RAB2A: variants seen among roughly 807,000 people sequenced by gnomAD.
RAB2A encodes RAB2A, member RAS oncogene family.
In RAB2A, 7 loss-of-function variants were observed where a neutral mutation model predicts 32.5. That is an observed-to-expected ratio of 0.22 (90% CI 0.12 to 0.40). RAB2A has a LOEUF of 0.40. RAB2A is among the 10% of genes least tolerant of loss of function. The probability of loss-of-function intolerance (pLI) is 1.00; values close to 1 mark genes in which losing one functional copy is unlikely to be tolerated. For synonymous variants in RAB2A, 79 were observed against 85.2 expected (o/e 0.93, Z 0.40); for missense variants, 108 against 260.7 (o/e 0.41, Z 4.03).
chr8:60,548,529 T>C (rs1807782626), intron 1 of RAB2A, among the ~76,000 whole-genome samples: 2 of 91,306 alleles, frequency 2.2e-5, no homozygotes, highest in Admixed American at 9.7e-5. Flanking sequence ...CCCCCCCACC[T>C]CCCTCCCGGA....
chr8:60,623,069 T>A lies in RAB2A; in HGVS notation c.*2300T>A, dbSNP rs1804554489. On this transcript the variant is annotated 3_prime_UTR_variant, in exon 8 of 8. Coordinates refer to ENST00000262646, the MANE Select transcript of RAB2A (RefSeq NM_002865.3). ...ATAGAAAATCAGTCACTGAAAAAAATAAACACAGCTTTCAATGTCTCACTC... is the reference window on the plus strand; with the variant it reads ...ATAGAAAATCAGTCACTGAAAAAAAAAAACACAGCTTTCAATGTCTCACTC... 4 of 152,162 alleles carry A rather than the reference T, an allele frequency of 2.6e-5. No homozygotes were observed. The highest frequency in any genetic ancestry group is 9.7e-5 in the African/African-American group (4 of 41,440). The allele number at this position is 152,162 out of a possible 1,614,324, so 9.4% of individuals were successfully genotyped here.
chr8:60,539,486 C>T (rs949260872), intron 1 of RAB2A, among the ~76,000 whole-genome samples: 1 of 152,150 alleles, frequency 6.6e-6, no homozygotes. Flanking sequence ...TTTCAATCAG[C>T]ATCATACACA....
At chr8:60,529,631 T>C (rs1807446015) in intron 1 of RAB2A, among the ~76,000 whole-genome samples, 1 of 152,212 alleles carries the variant, frequency 6.6e-6, no homozygotes, top group Admixed American at 6.5e-5. Context: ...AAGTAAACAT[T>C]ACACTTGACT....
At chr8:60,590,997 A>C (rs940753924) in intron 5 of RAB2A, among the ~76,000 whole-genome samples, 1 of 152,052 alleles carries the variant, frequency 6.6e-6, no homozygotes, top group Non-Finnish European at 1.5e-5. Flanking sequence ...TTATTTCTTA[A>C]AGGGAAAGAA....
At chr8:60,612,433 AT>A (rs1385568637) in intron 6 of RAB2A, among the ~76,000 whole-genome samples, 1 of 152,242 alleles carries the variant, frequency 6.6e-6, no homozygotes, top group African/African-American at 2.4e-5. Flanking sequence ...AATAATACAA[AT>A]TTTATATACT....
At position 60,621,752 on chromosome 8, in the gene RAB2A, C is replaced by T. The variant is rs1420383909; in HGVS notation, c.*983C>T. On this transcript the variant is annotated 3_prime_UTR_variant, in exon 8 of 8. Transcript: ENST00000262646. ...TTTTCATGCAGGACAGTTTTTCAAC[C>T]TTGATGTACAGTGACTGTGTAAAAT... 1 of 152,082 alleles carries T rather than the reference C, an allele frequency of 6.6e-6. No homozygotes were observed. The highest frequency in any genetic ancestry group is 2.4e-5 in the African/African-American group (1 of 41,418). 9.4% of individuals were successfully genotyped at this position (152,082 alleles called of 1,614,324 possible). A position where few individuals can be genotyped will look rare whatever the true frequency, so the allele number is the denominator to read the frequency against.
intron 1 of RAB2A, among the ~76,000 whole-genome samples, chr8:60,532,085 A>C (rs1003062633): frequency 6.6e-6 from 1 of 152,168 alleles, no homozygotes; most frequent in African/African-American, 2.4e-5. Flanking sequence ...GATTACAGGC[A>C]TGAGCCACCG....
intron 6 of RAB2A, among the ~76,000 whole-genome samples, chr8:60,596,894 C>G (rs999087646): frequency 7.9e-5 from 12 of 152,076 alleles, no homozygotes; most frequent in Non-Finnish European, 1.6e-4. Flanking sequence ...GCACTCCAGC[C>G]TCGGCGACAG....
At chr8:60,583,994 G>A (rs760942686) in intron 3 of RAB2A, 7 of 412,524 alleles carry the variant, frequency 1.7e-5, no homozygotes, top group Admixed American at 1.0e-4. Context: ...TTGCAGGAGC[G>A]ACTACATGTG....
chr8:60,556,659 AAAAG>A (rs1224804779), intron 1 of RAB2A, among the ~76,000 whole-genome samples: 49 of 150,666 alleles, frequency 3.3e-4, no homozygotes, highest in Non-Finnish European at 4.9e-4. Context: ...AAAAAAAAAA[AAAAG>A]AGGAAGAAGA....
intron 2 of RAB2A, among the ~76,000 whole-genome samples, chr8:60,568,725 T>C (rs1808153179): frequency 6.6e-6 from 1 of 152,174 alleles, no homozygotes; most frequent in South Asian, 2.1e-4. Context: ...GAATAACATA[T>C]CTGAGAAAAT....
chr8:60,548,821 AC>A (rs577197072), intron 1 of RAB2A, among the ~76,000 whole-genome samples: 2 of 138,500 alleles, frequency 1.4e-5, no homozygotes, highest in East Asian at 2.2e-4. Context: ...CGGGGGGCTG[AC>A]CCCCCCACCT....
At chr8:60,532,873 G>A (rs185984856) in intron 1 of RAB2A, among the ~76,000 whole-genome samples, 4 of 152,346 alleles carry the variant, frequency 2.6e-5, no homozygotes, top group Admixed American at 6.5e-5. Context: ...GTAGGCAAGC[G>A]GGAAGGAGCA....
At chr8:60,616,402 C>G (rs1804449769) in intron 6 of RAB2A, among the ~76,000 whole-genome samples, 1 of 152,158 alleles carries the variant, frequency 6.6e-6, no homozygotes, top group Admixed American at 6.5e-5. Flanking sequence ...GTGAAATGTG[C>G]ACATGTGGAT....
chr8:60,608,911 T>C (rs908934450), intron 6 of RAB2A, among the ~76,000 whole-genome samples: 1 of 152,204 alleles, frequency 6.6e-6, no homozygotes, highest in African/African-American at 2.4e-5. Flanking sequence ...TCACCTGTTA[T>C]TGTTTCTGCC....
intron 2 of RAB2A, among the ~76,000 whole-genome samples, chr8:60,561,413 G>T (rs576489022): frequency 6.6e-6 from 1 of 152,100 alleles, no homozygotes; most frequent in Non-Finnish European, 1.5e-5. Context: ...GTGTCTCAAC[G>T]TGAGGGCAGG....
At chr8:60,608,426 T>C (rs1483121585) in intron 6 of RAB2A, among the ~76,000 whole-genome samples, 3 of 151,866 alleles carry the variant, frequency 2.0e-5, no homozygotes, top group Non-Finnish European at 4.4e-5. Context: ...TTTTCTTTCT[T>C]TTTCTCTTTC....
chr8:60,604,767 C>G (rs1043156583), intron 6 of RAB2A, among the ~76,000 whole-genome samples: 13 of 152,152 alleles, frequency 8.5e-5, no homozygotes, highest in Non-Finnish European at 4.4e-5. Context: ...CTCTAATAGC[C>G]TATCTCATAT....
At chr8:60,586,742 C>T (rs1803856350) in intron 5 of RAB2A, among the ~76,000 whole-genome samples, 1 of 151,770 alleles carries the variant, frequency 6.6e-6, no homozygotes, top group Non-Finnish European at 1.5e-5. Context: ...GTAGCAAGAC[C>T]CTATCTCTAC....
Sources: allele counts gnomAD v4.1 joint callset (sites outside exome capture counted in the v4.1 genomes callset), GRCh38; gene constraint gnomAD v4.1.1; transcripts MANE v1.5; gene names NCBI Gene and HGNC (gene_info 2026-07-23, HGNC 2026-07-21).